YEATS2: variants seen among roughly 807,000 people sequenced by gnomAD.
YEATS2 encodes the protein YEATS domain containing 2, also known as YEATS domain-containing protein 2.
YEATS2 carries 77 observed loss-of-function variants against 163.2 expected under a neutral mutation model. That is an observed-to-expected ratio of 0.47 (90% confidence interval 0.39 to 0.57). YEATS2 has a LOEUF of 0.57. YEATS2 is among the 20% of genes least tolerant of loss of function. YEATS2 has a pLI of 0.00. For synonymous variants in YEATS2, 631 were observed against 645.1 expected, an observed-to-expected ratio of 0.98 and a Z score of 0.33; for missense variants, 1,549 against 1,729.8, an observed-to-expected ratio of 0.90 and a Z score of 1.85.
intron 10 of YEATS2, among the ~76,000 whole-genome samples, chr3:183,753,688 C>T (rs575695081): frequency 6.6e-6 from 1 of 152,278 alleles, no homozygotes; most frequent in African/African-American, 2.4e-5. Context: ...GTGGAGGTAG[C>T]AGTGAGCTGA....
At chr3:183,744,885 CTG>C (rs970251089) in intron 8 of YEATS2, among the ~76,000 whole-genome samples, 12 of 152,102 alleles carry the variant, frequency 7.9e-5, no homozygotes, top group African/African-American at 2.7e-4. Flanking sequence ...GAATCTCACT[CTG>C]TCACCCAGGC....
chr3:183,716,568 G>A (rs906583829), intron 2 of YEATS2, among the ~76,000 whole-genome samples: 11 of 152,090 alleles, frequency 7.2e-5, no homozygotes, highest in African/African-American at 1.4e-4. Flanking sequence ...AGGAAATACC[G>A]TTTCCTTTCA....
intron 21 of YEATS2, 30 bp from the exon 22 acceptor site, chr3:183,797,893 A>C (rs754566658): frequency 6.2e-7 from 1 of 1,613,120 alleles, no homozygotes. Context: ...CCTGACCTTC[A>C]ACTTGGCTTT....
At chr3:183,787,176 A>G (rs1169861962) in intron 20 of YEATS2, among the ~76,000 whole-genome samples, 1 of 152,062 alleles carries the variant, frequency 6.6e-6, no homozygotes, top group Non-Finnish European at 1.5e-5. Context: ...AATGGTCTCA[A>G]TCTCCTGACC....
intron 8 of YEATS2, among the ~76,000 whole-genome samples, chr3:183,737,275 AGTTCAAACCCAT>A (rs1286144571): frequency 6.6e-6 from 1 of 152,198 alleles, no homozygotes; most frequent in Non-Finnish European, 1.5e-5. Context: ...AGATCTGTGC[AGTTCAAACCCAT>A]GTTCAAAGGT....
intron 9 of YEATS2, among the ~76,000 whole-genome samples, chr3:183,750,076 G>T (rs959652458): frequency 6.6e-6 from 1 of 151,398 alleles, no homozygotes; most frequent in Non-Finnish European, 1.5e-5. Context: ...TGCCTGCCTC[G>T]GCCTCCCAAA....
intron 8 of YEATS2, among the ~76,000 whole-genome samples, chr3:183,742,803 AG>A (rs1207130377): frequency 2.0e-5 from 3 of 152,258 alleles, no homozygotes; most frequent in Admixed American, 2.0e-4. Context: ...CTTTCATAAA[AG>A]GAAGTCAGTC....
At chr3:183,699,442 G>A (rs1245645982) in intron 1 of YEATS2, among the ~76,000 whole-genome samples, 1 of 151,722 alleles carries the variant, frequency 6.6e-6, no homozygotes, top group Middle Eastern at 3.2e-3. Context: ...GGCTGGGCGC[G>A]GTGCTCACAC....
intron 30 of YEATS2, among the ~76,000 whole-genome samples, chr3:183,809,689 G>A (rs1349226362): frequency 6.6e-6 from 1 of 152,088 alleles, no homozygotes; most frequent in African/African-American, 2.4e-5. Context: ...TTGCTGACTC[G>A]TTGTCTTTGA....
At chr3:183,751,887 G>A (rs922945215) in intron 9 of YEATS2, among the ~76,000 whole-genome samples, 186 bp from the exon 10 acceptor site, 1 of 152,236 alleles carries the variant, frequency 6.6e-6, no homozygotes, top group Non-Finnish European at 1.5e-5. Flanking sequence ...ACTGAGGTAT[G>A]TGTCTGTTAA....
intron 21 of YEATS2, among the ~76,000 whole-genome samples, chr3:183,797,203 A>C (rs1370712473): frequency 1.4e-5 from 2 of 145,624 alleles, no homozygotes; most frequent in Non-Finnish European, 3.0e-5. Flanking sequence ...TGGGAGATGG[A>C]TGTTGCAGTG....
chr3:183,751,927 C>A (rs1158447225), intron 9 of YEATS2, 146 bp from the exon 10 acceptor site: 11 of 828,634 alleles, frequency 1.3e-5, no homozygotes, highest in African/African-American at 3.4e-5. Context: ...TAGAATAAAT[C>A]CTTTAGTTCT....
At chr3:183,801,199 T>G (rs951245103) in intron 24 of YEATS2, 1 of 328,686 alleles carries the variant, frequency 3.0e-6, no homozygotes, top group Non-Finnish European at 5.5e-6. Context: ...AATTTTAAGG[T>G]GTAGATTAAA....
In YEATS2 at chr3:183,772,285, C is replaced by T. The variant is rs1722554276; in HGVS notation, c.1948-20C>T. ...TAAGAGCTCTCGAAGCACCGTTGGA[C>T]TCTGCTCTGTTTTGAACAGGTTGTC... is the stretch of plus-strand genomic sequence containing the variant. On this transcript the variant is annotated intron_variant, in intron 15 of 30. Coordinates refer to ENST00000305135, the MANE Select transcript of YEATS2 (RefSeq NM_018023.5). 1.9e-6 allele frequency: 3 copies of T among 1,612,620 alleles called. No individual in the cohort carries two copies. Among genetic ancestry groups the T allele is most frequent in the Admixed American group, 3.3e-5 (2 of 59,986 alleles).
At chr3:183,810,446 C>G in intron 30 of YEATS2, 29 bp from the exon 31 acceptor site, 1 of 1,581,898 alleles carries the variant, frequency 6.3e-7, no homozygotes, top group African/African-American at 1.3e-5. Context: ...AGAATTTCAC[C>G]TGGTAACACC....
intron 20 of YEATS2, among the ~76,000 whole-genome samples, chr3:183,789,005 C>T (rs1330243480): frequency 2.0e-5 from 3 of 152,088 alleles, no homozygotes; most frequent in Non-Finnish European, 4.4e-5. Context: ...GTTGTTTGAG[C>T]TTCTATATTC....
At chr3:183,750,236 G>A (rs920413265) in intron 9 of YEATS2, among the ~76,000 whole-genome samples, 1 of 152,204 alleles carries the variant, frequency 6.6e-6, no homozygotes, top group Non-Finnish European at 1.5e-5. Context: ...TGGGATTATA[G>A]GCATGAGCCA....
intron 4 of YEATS2, among the ~76,000 whole-genome samples, chr3:183,719,231 G>A (rs1716243243): frequency 6.7e-6 from 1 of 149,138 alleles, no homozygotes; most frequent in South Asian, 2.1e-4. Context: ...GGCCTCCCAG[G>A]TTCAAGTGAT....
In YEATS2 at chr3:183,809,140, C is replaced by T. The variant is rs911834771; in HGVS notation, c.4130C>T (p.Ala1377Val). Residue 1377 changes from alanine to valine, a missense_variant, in exon 30 of 31, where the codon GCA becomes GTA. Ala to Val is a moderately conservative substitution (Grantham distance 64). Transcript: ENST00000305135. The part of the protein sequence containing the change: ...LVNDILRQAL[A>V]VGYQTASHNR... The stretch of plus-strand genomic sequence containing the variant: ...AATGATATCCTGAGACAGGCTTTGG[C>T]AGTTGGATACCAGACAGCTTCTCAC... The T allele has an allele frequency of 1.2e-6, 2 of 1,614,026 alleles. No individual in the cohort carries two copies. Among genetic ancestry groups the T allele is most frequent in the Non-Finnish European group, 1.7e-6 (2 of 1,180,010 alleles).
Sources: gnomAD v4.1 joint callset for allele counts (sites outside exome capture counted in the v4.1 genomes callset) on GRCh38, gnomAD v4.1.1 for gene constraint, MANE v1.5 for transcripts, NCBI Gene and HGNC (gene_info 2026-07-23, HGNC 2026-07-21) for gene names.